FHIT: variants seen among roughly 807,000 people sequenced by gnomAD.
FHIT encodes bis(5'-adenosyl)-triphosphatase.
In FHIT, 19 loss-of-function variants were observed where a neutral mutation model predicts 17.9. The ratio of observed to expected loss-of-function variants is 1.06; its 90% CI spans 0.74 to 1.56. The LOEUF (loss-of-function observed/expected upper bound fraction) is 1.56. Ranked by LOEUF, FHIT falls within the 40% of genes most tolerant of loss-of-function variation. FHIT has a pLI of 0.00. For synonymous variants in FHIT, 81 were observed against 69.7 expected (o/e 1.16, Z -0.81); for missense variants, 248 against 189.2 (o/e 1.31, Z -1.82).
chr3:60,960,562 T>C (rs1709373789), intron 3 of FHIT, among the ~76,000 whole-genome samples: 1 of 152,162 alleles, frequency 6.6e-6, no homozygotes, highest in Non-Finnish European at 1.5e-5. Flanking sequence ...CCTAATGCTA[T>C]CCGTCCCTCC....
intron 8 of FHIT, among the ~76,000 whole-genome samples, chr3:59,776,548 G>A (rs1702327801): frequency 6.6e-6 from 1 of 152,144 alleles, no homozygotes; most frequent in South Asian, 2.1e-4. Context: ...GAAACAGCAG[G>A]GAAAGGGGAG....
chr3:60,195,674 A>G (rs996658463), intron 5 of FHIT, among the ~76,000 whole-genome samples: 1 of 149,024 alleles, frequency 6.7e-6, no homozygotes, highest in Non-Finnish European at 1.5e-5. Flanking sequence ...ATATATGTAT[A>G]CCATGGAATA....
intron 2 of FHIT, among the ~76,000 whole-genome samples, chr3:61,144,187 CA>C (rs1262308849): frequency 6.6e-6 from 1 of 152,188 alleles, no homozygotes; most frequent in African/African-American, 2.4e-5. Flanking sequence ...TGTGCATTAG[CA>C]GTCACTCCAA....
At chr3:60,545,833 T>C (rs1305082886) in intron 4 of FHIT, among the ~76,000 whole-genome samples, 1 of 141,866 alleles carries the variant, frequency 7.0e-6, no homozygotes, top group Non-Finnish European at 1.5e-5. Context: ...AAGTTCTATA[T>C]ACATGAGACA....
intron 5 of FHIT, among the ~76,000 whole-genome samples, chr3:60,283,840 C>T (rs1290635186): frequency 6.6e-6 from 1 of 152,022 alleles, no homozygotes. Flanking sequence ...AGACTATGGG[C>T]CAAAGGTATA....
intron 5 of FHIT, among the ~76,000 whole-genome samples, chr3:60,041,647 GAGA>G (rs1701443927): frequency 6.6e-6 from 1 of 152,178 alleles, no homozygotes; most frequent in Non-Finnish European, 1.5e-5. Flanking sequence ...AATAAAGAAG[GAGA>G]AGAAATGTTC....
chr3:60,995,005 C>A (rs2030548780), intron 3 of FHIT, among the ~76,000 whole-genome samples: 1 of 152,130 alleles, frequency 6.6e-6, no homozygotes, highest in African/African-American at 2.4e-5. Context: ...ACTCATTATT[C>A]CAGAGAGAAC....
At chr3:60,426,154 G>C (rs1215823758) in intron 5 of FHIT, among the ~76,000 whole-genome samples, 1 of 152,122 alleles carries the variant, frequency 6.6e-6, no homozygotes, top group Non-Finnish European at 1.5e-5. Flanking sequence ...ATTGACCTTG[G>C]ACTAGTTATG....
chr3:60,164,947 C>T (rs1057252605), intron 5 of FHIT, among the ~76,000 whole-genome samples: 3 of 152,140 alleles, frequency 2.0e-5, no homozygotes, highest in Non-Finnish European at 4.4e-5. Context: ...TTAGAAACAA[C>T]CGACTTGTGT....
At chr3:61,006,546 A>AG (rs2031461064) in intron 3 of FHIT, among the ~76,000 whole-genome samples, 2 of 152,130 alleles carry the variant, frequency 1.3e-5, no homozygotes, top group South Asian at 4.1e-4. Flanking sequence ...TCTGAAAAAA[A>AG]AGTATGAAAA....
At chr3:61,201,955 T>C (rs2039027565) in intron 1 of FHIT, among the ~76,000 whole-genome samples, 2 of 149,720 alleles carry the variant, frequency 1.3e-5, no homozygotes, top group Non-Finnish European at 2.9e-5. Flanking sequence ...TGTATGTGTG[T>C]ATATATATGT....
At chr3:60,441,757 A>ATATATATATATATTTATATATATAAAT (rs1336572305) in intron 5 of FHIT, among the ~76,000 whole-genome samples, 2 of 55,944 alleles carry the variant, frequency 3.6e-5, no homozygotes, top group East Asian at 1.3e-3. Context: ...TATATATAAA[A>ATATATATATATATTTATATATATAAAT]ATATATATAT....
chr3:60,696,030 A>T (rs1245035067), intron 4 of FHIT, among the ~76,000 whole-genome samples: 2 of 152,186 alleles, frequency 1.3e-5, no homozygotes, highest in African/African-American at 4.8e-5. Flanking sequence ...TCTGTATGCA[A>T]ACAAAGTAAT....
At chr3:60,468,581 C>A (rs1458538752) in intron 5 of FHIT, among the ~76,000 whole-genome samples, 1 of 151,958 alleles carries the variant, frequency 6.6e-6, no homozygotes, top group Non-Finnish European at 1.5e-5. Flanking sequence ...AAACACTATA[C>A]TTTTCATACC....
intron 8 of FHIT, among the ~76,000 whole-genome samples, chr3:59,785,652 A>ACT (rs1702818212): frequency 6.6e-6 from 1 of 152,214 alleles, no homozygotes; most frequent in African/African-American, 2.4e-5. Flanking sequence ...GTATTCAGGT[A>ACT]GAAAAAGAAA....
intron 2 of FHIT, among the ~76,000 whole-genome samples, chr3:61,097,168 A>C (rs1465317748): frequency 6.6e-6 from 1 of 151,916 alleles, no homozygotes; most frequent in Non-Finnish European, 1.5e-5. Context: ...TGAGCGATGC[A>C]GAAGATGGAT....
chr3:61,140,434 G>T (rs552135408), intron 2 of FHIT, among the ~76,000 whole-genome samples: 6 of 152,080 alleles, frequency 3.9e-5, no homozygotes, highest in Non-Finnish European at 7.4e-5. Flanking sequence ...CATCCTTTTT[G>T]CTATTAGAGA....
At chr3:60,328,752 T>G (rs762590450) in intron 5 of FHIT, among the ~76,000 whole-genome samples, 1 of 152,174 alleles carries the variant, frequency 6.6e-6, no homozygotes, top group Non-Finnish European at 1.5e-5. Context: ...CTGTATACAA[T>G]GAGCTGTTCC....
At chr3:60,414,366 T>C (rs1702170300) in intron 5 of FHIT, among the ~76,000 whole-genome samples, 1 of 152,160 alleles carries the variant, frequency 6.6e-6, no homozygotes, top group South Asian at 2.1e-4. Flanking sequence ...GAAAGGGGCC[T>C]GAGCTGAGGT....
Sources: allele counts gnomAD v4.1 joint callset (sites outside exome capture counted in the v4.1 genomes callset), GRCh38; gene constraint gnomAD v4.1.1; transcripts MANE v1.5; gene names NCBI Gene and HGNC (gene_info 2026-07-23, HGNC 2026-07-21).